KLHL1: variants seen among roughly 807,000 people sequenced by gnomAD.
KLHL1 encodes kelch-like protein 1.
In KLHL1, 47 loss-of-function variants were observed where a neutral mutation model predicts 77.7. That is an observed-to-expected ratio of 0.60 (90% CI 0.48 to 0.77). The LOEUF (loss-of-function observed/expected upper bound fraction) is 0.77. Among genes scored for constraint, KLHL1 ranks in the 30% least tolerant of loss-of-function variants. The pLI, the probability that KLHL1 is intolerant of heterozygous loss-of-function variation, is 0.00. For synonymous variants in KLHL1, 360 were observed against 325.2 expected (o/e 1.11, Z -1.15); for missense variants, 925 against 910.8 (o/e 1.02, Z -0.20).
chr13:69,781,190 T>TACA (rs1373507345), intron 7 of KLHL1, among the ~76,000 whole-genome samples: 2 of 152,050 alleles, frequency 1.3e-5, no homozygotes, highest in Non-Finnish European at 2.9e-5. Flanking sequence ...TCTGTGAATG[T>TACA]ACAACAGTTT....
chr13:69,845,434 G>T lies in KLHL1; in HGVS notation c.1228-6272C>A, dbSNP rs558245428. 3.7e-3 allele frequency among the ~76,000 whole-genome samples: 562 copies of T among 151,618 alleles called. 3 individuals are homozygous for T. Among genetic ancestry groups the T allele is most frequent in the African/African-American group, 0.013 (539 of 41,474 alleles). On this transcript the variant is annotated intron_variant, in intron 5 of 10. Coordinates refer to ENST00000377844, the MANE Select transcript of KLHL1 (RefSeq NM_020866.3). ...TTGTCATTCTGCTGTACATTTTAGT[G>T]TTACAAAAATATGTTTCAACTATTT...
At chr13:69,881,567 G>T (rs1880989986) in intron 5 of KLHL1, among the ~76,000 whole-genome samples, 1 of 152,076 alleles carries the variant, frequency 6.6e-6, no homozygotes, top group Non-Finnish European at 1.5e-5. Context: ...TAACAATGCT[G>T]TACATAGAGA....
At chr13:70,063,531 A>T (rs1029356815) in intron 1 of KLHL1, among the ~76,000 whole-genome samples, 1 of 152,114 alleles carries the variant, frequency 6.6e-6, no homozygotes, top group Admixed American at 6.6e-5. Context: ...ATTATAATCT[A>T]ACACACATGA....
intron 4 of KLHL1, among the ~76,000 whole-genome samples, chr13:69,937,398 C>A (rs1026576870): frequency 1.3e-5 from 2 of 152,080 alleles, no homozygotes; most frequent in Non-Finnish European, 2.9e-5. Context: ...GCATAGGCAG[C>A]CATTTTTTCA....
chr13:69,733,033 T>G (rs926176661), intron 8 of KLHL1, among the ~76,000 whole-genome samples: 2 of 152,156 alleles, frequency 1.3e-5, no homozygotes, highest in Admixed American at 6.6e-5. Flanking sequence ...AGTGTTATTT[T>G]GTTGATTTTT....
intron 2 of KLHL1, among the ~76,000 whole-genome samples, chr13:69,972,268 C>T (rs1391377597): frequency 6.6e-6 from 1 of 151,788 alleles, no homozygotes; most frequent in African/African-American, 2.4e-5. Context: ...TCACTTTAGC[C>T]TCAACTGTCT....
chr13:69,935,191 CG>C (rs1435511525), intron 4 of KLHL1, among the ~76,000 whole-genome samples: 2 of 63,618 alleles, frequency 3.1e-5, no homozygotes, highest in African/African-American at 1.2e-4. Flanking sequence ...TACTGGTGAA[CG>C]TGGTACATAG....
chr13:70,043,125 G>A (rs142553856), intron 1 of KLHL1, among the ~76,000 whole-genome samples: 4 of 151,998 alleles, frequency 2.6e-5, no homozygotes, highest in African/African-American at 9.7e-5. Flanking sequence ...GGCTGATCTC[G>A]AACTCCCGAC....
At chr13:69,920,813 C>G (rs1042053693) in intron 4 of KLHL1, among the ~76,000 whole-genome samples, 2 of 151,982 alleles carry the variant, frequency 1.3e-5, no homozygotes, top group African/African-American at 4.8e-5. Context: ...CATATTATCT[C>G]AGACAAAAAA....
intron 1 of KLHL1, among the ~76,000 whole-genome samples, chr13:70,013,405 A>T (rs1885584684): frequency 6.6e-6 from 1 of 152,136 alleles, no homozygotes. Context: ...TAGCTCAGAC[A>T]ATACCCAAAG....
chr13:69,743,229 G>A (rs1050465196), intron 7 of KLHL1, among the ~76,000 whole-genome samples: 1 of 150,146 alleles, frequency 6.7e-6, no homozygotes, highest in Non-Finnish European at 1.5e-5. Context: ...AAATCACTGA[G>A]ATATTTCATA....
chr13:69,993,347 A>T (rs1229530540), intron 1 of KLHL1, among the ~76,000 whole-genome samples: 1 of 151,990 alleles, frequency 6.6e-6, no homozygotes, highest in Non-Finnish European at 1.5e-5. Flanking sequence ...GGCAATCTTC[A>T]TTTAACTCCA....
At chr13:69,827,029 T>G (rs1878576098) in intron 6 of KLHL1, among the ~76,000 whole-genome samples, 2 of 151,850 alleles carry the variant, frequency 1.3e-5, no homozygotes, top group Admixed American at 1.3e-4. Context: ...TCTTCATGCT[T>G]ATAATTAGAA....
intron 1 of KLHL1, among the ~76,000 whole-genome samples, chr13:70,094,917 A>G (rs554608725): frequency 6.6e-6 from 1 of 152,276 alleles, no homozygotes; most frequent in South Asian, 2.1e-4. Context: ...TAATGACAAG[A>G]GAAGTGAGAA....
At chr13:70,010,743 T>A (rs1232995926) in intron 1 of KLHL1, among the ~76,000 whole-genome samples, 1 of 151,390 alleles carries the variant, frequency 6.6e-6, no homozygotes, top group Non-Finnish European at 1.5e-5. Context: ...ATATAAAAAA[T>A]TAGCTGGGTG....
At chr13:69,873,408 G>A (rs1880654519) in intron 5 of KLHL1, among the ~76,000 whole-genome samples, 1 of 152,008 alleles carries the variant, frequency 6.6e-6, no homozygotes, top group African/African-American at 2.4e-5. Flanking sequence ...AGGTATTAGA[G>A]GAACTTTGAT....
chr13:69,787,319 T>C (rs1444770904), intron 7 of KLHL1, among the ~76,000 whole-genome samples: 1 of 151,798 alleles, frequency 6.6e-6, no homozygotes, highest in Non-Finnish European at 1.5e-5. Context: ...GAAATATAGA[T>C]CCATGGAACA....
At chr13:69,898,670 A>G (rs989825416) in intron 4 of KLHL1, among the ~76,000 whole-genome samples, 1 of 152,170 alleles carries the variant, frequency 6.6e-6, no homozygotes, top group Non-Finnish European at 1.5e-5. Context: ...AAGCCCCAAA[A>G]GGACTTGCTG....
chr13:69,920,625 G>T, intron 4 of KLHL1, among the ~76,000 whole-genome samples: 1 of 151,802 alleles, frequency 6.6e-6, no homozygotes, highest in East Asian at 1.9e-4. Flanking sequence ...AGAAACTGTT[G>T]GACTTTATAT....
Sources: allele counts gnomAD v4.1 joint callset (sites outside exome capture counted in the v4.1 genomes callset), GRCh38; gene constraint gnomAD v4.1.1; transcripts MANE v1.5; gene names NCBI Gene and HGNC (gene_info 2026-07-23, HGNC 2026-07-21).